LPCAT4: variants seen among roughly 807,000 people sequenced by gnomAD.
The protein encoded by LPCAT4 is lysophosphatidylcholine acyltransferase 4, also known as lysophospholipid acyltransferase LPCAT4.
A neutral mutation model predicts 66.5 loss-of-function variants in LPCAT4; 30 were observed. The observed-to-expected ratio is 0.45, with a 90% CI of 0.34 to 0.61. The LOEUF is 0.61. LPCAT4 is among the 20% of genes least tolerant of loss of function. The pLI, the probability that LPCAT4 is intolerant of heterozygous loss-of-function variation, is 0.01. For synonymous variants in LPCAT4, 253 were observed against 262.1 expected, an observed-to-expected ratio of 0.97 and a Z score of 0.34; for missense variants, 557 against 656.7, an observed-to-expected ratio of 0.85 and a Z score of 1.66.
chr15:34,367,166 G>A lies in LPCAT4; in HGVS notation c.-66C>T, dbSNP rs1891102371. Reference sequence around the variant, plus strand: ...CCGGCCACCACTCTGCAGAGCAGCTGCTGCTGCAGCAGCGGCGGCGGCGGC... The same window carrying A: ...CCGGCCACCACTCTGCAGAGCAGCTACTGCTGCAGCAGCGGCGGCGGCGGC... On this transcript the variant is annotated 5_prime_UTR_variant, in exon 1 of 14. Transcript: ENST00000314891. 20 of 1,322,074 alleles carry A rather than the reference G, an allele frequency of 1.5e-5. 1 individual carries two copies. In the South Asian group the frequency reaches 2.4e-4, roughly 16 times the overall value. 81.9% of individuals were successfully genotyped at this position (1,322,074 alleles called of 1,614,324 possible). A position where few individuals can be genotyped will look rare whatever the true frequency, so the allele number is the denominator to read the frequency against.
chr15:34,361,246 T>A, intron 11 of LPCAT4, 154 bp downstream of exon 11: 2 of 1,497,180 alleles, frequency 1.3e-6, no homozygotes, highest in Non-Finnish European at 1.8e-6. Flanking sequence ...AAAAAATGAA[T>A]CTTCAGTGGA....
intron 2 of LPCAT4, 55 bp downstream of exon 2, chr15:34,365,504 C>A: frequency 6.2e-7 from 1 of 1,607,624 alleles, no homozygotes; most frequent in Non-Finnish European, 8.5e-7. Flanking sequence ...AAGAGGGAGC[C>A]GAATAGACAG....
At chr15:34,361,582 C>T (rs745401512) in intron 10 of LPCAT4, 50 bp from the exon 11 acceptor site, 3 of 1,606,270 alleles carry the variant, frequency 1.9e-6, no homozygotes, top group Non-Finnish European at 2.5e-6. Context: ...TCCTTCTGGA[C>T]ACACCATCAG....
chr15:34,361,202 T>C (rs1357586688), intron 11 of LPCAT4, 198 bp downstream of exon 11: 2 of 1,455,338 alleles, frequency 1.4e-6, no homozygotes, highest in Non-Finnish European at 1.8e-6. Flanking sequence ...CTCATGATGA[T>C]AACATTGCTC....
At chr15:34,364,131 GA>G (rs1407018104) in intron 4 of LPCAT4, 58 bp from the exon 5 acceptor site, 5 of 1,596,322 alleles carry the variant, frequency 3.1e-6, no homozygotes, top group Non-Finnish European at 4.3e-6. Flanking sequence ...GTGGAGAGAG[GA>G]AAGGGAAGCC....
At chr15:34,361,642 C>T (rs1226027432) in intron 10 of LPCAT4, 110 bp from the exon 11 acceptor site, 1 of 1,330,690 alleles carries the variant, frequency 7.5e-7, no homozygotes, top group Non-Finnish European at 1.0e-6. Context: ...GGTTTAGCTG[C>T]TGTTTTTCTA....
intron 13 of LPCAT4, 126 bp downstream of exon 13, chr15:34,359,463 C>T (rs949164563): frequency 7.3e-7 from 1 of 1,372,554 alleles, no homozygotes; most frequent in Non-Finnish European, 9.8e-7. Context: ...TCCTCCCAGC[C>T]TTACTTCTCA....
Position 34,362,200 on chromosome 15 carries a change from C to A in LPCAT4, c.1006G>T (p.Ala336Ser), listed in dbSNP as rs1040884791. 1.1e-5 allele frequency: 18 copies of A among 1,613,884 alleles called. No individual in the cohort carries two copies. The highest frequency in any genetic ancestry group is 1.5e-5 in the Non-Finnish European group (18 of 1,179,970). The change falls in exon 10 of 14, where the codon GCT becomes TCT. Residue 336 changes from alanine (A) to serine (S), a missense_variant. Physicochemically the swap from Ala to Ser is moderately conservative, Grantham distance 99. Transcript: ENST00000314891. ...CTCATTTCCAAGACCACTTACCCAGCCTTCCGAAGCACTTTTCCCAGTTCC... is the reference window on the plus strand; with the variant it reads ...CTCATTTCCAAGACCACTTACCCAGACTTCCGAAGCACTTTTCCCAGTTCC... ...LWELGKVLRK[A>S]GLSAGYVDAG...
Position 34,362,621 on chromosome 15 carries a change from C to T in LPCAT4, c.836G>A (p.Ser279Asn), listed in dbSNP as rs1890974115. 1.3e-6 allele frequency: 2 copies of T among 1,578,544 alleles called. No individual in the cohort carries two copies. Among genetic ancestry groups the T allele is most frequent in the African/African-American group, 1.3e-5 (1 of 74,112 alleles). Residue 279 changes from serine (S) to asparagine (N), a missense_variant, in exon 9 of 14, where the codon AGC (serine) becomes AAC (asparagine). Physicochemically the swap from Ser to Asn is conservative, Grantham distance 46. Transcript: ENST00000314891. ...GTTGGCATAGAGGGTGGGGTCCCTG[C>T]TCTCCTCAGGGCTGGGGTGATACAC... ...LPVYHPSPEE[S>N]RDPTLYANNV... is the part of the protein sequence containing the mutation.
At position 34,362,666 on chromosome 15, in the gene LPCAT4, G is replaced by A; in HGVS notation, c.802-11C>T. 4.4e-6 allele frequency: 7 copies of A among 1,607,474 alleles called. No individual in the cohort carries two copies. The highest frequency in any genetic ancestry group is 6.0e-6 in the Non-Finnish European group (7 of 1,175,596). On this transcript the variant is annotated splice_polypyrimidine_tract_variant and intron_variant, in intron 8 of 13. Coordinates refer to ENST00000314891, the MANE Select transcript of LPCAT4 (RefSeq NM_153613.3). ...ATACACAGGAAGGAACTGAAACACAGACACACACAATTCTTATCAGAACCT... is the reference window on the plus strand; with the variant it reads ...ATACACAGGAAGGAACTGAAACACAAACACACACAATTCTTATCAGAACCT...
rs2270611 is a variant in LPCAT4, at chr15:34,367,056, G to A, written c.45C>T (p.Thr15=). 5.8e-4 allele frequency: 904 copies of A among 1,559,170 alleles called. 13 individuals carry two copies. In the East Asian group the frequency reaches 0.017, roughly 29 times the overall value. Reference sequence around the variant, plus strand: ...GGTTGGGGGATGCTGGGGGTCCGGGGGTGGGATCTAGGGGGGCCCAGTCCC... The same window carrying A: ...GGTTGGGGGATGCTGGGGGTCCGGGAGTGGGATCTAGGGGGGCCCAGTCCC... ...SPGDWAPLDP[T]PGPPASPNPF... is the part of the protein sequence containing the mutation. Residue 15 remains threonine, a synonymous_variant, in exon 1 of 14, where the codon ACC becomes ACT. Transcript: ENST00000314891.
At chr15:34,359,964 G>C in intron 12 of LPCAT4, 147 bp downstream of exon 12, 2 of 814,174 alleles carry the variant, frequency 2.5e-6, no homozygotes, top group Non-Finnish European at 4.0e-6. Flanking sequence ...GAGGCCGGGG[G>C]TCTGCAGTTT....
At position 34,363,405 on chromosome 15, in the gene LPCAT4, G is replaced by A. The variant is rs1035010062; in HGVS notation, c.746+17C>T. On this transcript the variant is annotated intron_variant, in intron 7 of 13. Coordinates refer to ENST00000314891, the MANE Select transcript of LPCAT4 (RefSeq NM_153613.3). The surrounding 1 kb of genome is among the most constrained non-coding windows in gnomAD (Gnocchi z 4.3). ...ACCCTGCTCCCCACCCTCACCCCCA[G>A]GAATACCAGAACTCACACTCCAGGA... 2 of 1,612,824 alleles carry A rather than the reference G, an allele frequency of 1.2e-6. No homozygotes were observed. The highest frequency in any genetic ancestry group is 1.7e-6 in the Non-Finnish European group (2 of 1,179,450).
intron 11 of LPCAT4, 147 bp from the exon 12 acceptor site, chr15:34,360,356 G>C: frequency 1.6e-6 from 1 of 639,900 alleles, no homozygotes; most frequent in South Asian, 1.9e-5. Flanking sequence ...AAACTCTTTA[G>C]GATCCCTGGA....
At chr15:34,360,754 C>T (rs1328586670) in intron 11 of LPCAT4, among the ~76,000 whole-genome samples, 2 of 152,202 alleles carry the variant, frequency 1.3e-5, no homozygotes, top group African/African-American at 4.8e-5. Flanking sequence ...ATCTAGATAC[C>T]TGGTCACTCT....
At chr15:34,362,904 C>T (rs1302819686) in intron 7 of LPCAT4, 68 bp from the exon 8 acceptor site, 1 of 1,506,896 alleles carries the variant, frequency 6.6e-7, no homozygotes, top group Non-Finnish European at 9.1e-7. Flanking sequence ...CTCCCACACC[C>T]CACTCCCCTT....
At chr15:34,366,791 C>T (rs1891088380) in intron 1 of LPCAT4, 196 bp downstream of exon 1, 3 of 672,432 alleles carry the variant, frequency 4.5e-6, no homozygotes, top group South Asian at 3.6e-5. Context: ...TGTCTATCGC[C>T]CAAGCCCGCA....
Position 34,367,066 on chromosome 15 carries a change from AG to A in LPCAT4, c.34del (p.Leu12Ter). ...TGCTGGGGGTCCGGGGGTGGGATCT[AG>A]GGGGGCCCAGTCCCCCGGACTTCCC... is the stretch of plus-strand genomic sequence containing the variant. ...SQGSPGDWAP[L>X]DPTPGPPASP... On this transcript the variant is annotated frameshift_variant, in exon 1 of 14. Transcript: ENST00000314891. LOFTEE classifies it high-confidence loss of function. 1 of 1,346,580 alleles carries A rather than the reference AG, an allele frequency of 7.4e-7. No homozygotes were observed. 83.4% of individuals were successfully genotyped at this position (1,346,580 alleles called of 1,614,324 possible).
rs959633650 is a variant in LPCAT4, at chr15:34,365,226, G to C, written c.260C>G (p.Thr87Ser). The part of the protein sequence containing the change: ...LQEPITGWRK[T>S]VCHNGVLGLS... Reference sequence around the variant, plus strand: ...GCCTAGCACCCCGTTGTGGCACACAGTCCTGCCAGGGCAAGGCTGGGTATC... The same window carrying C: ...GCCTAGCACCCCGTTGTGGCACACACTCCTGCCAGGGCAAGGCTGGGTATC... The change falls in exon 3 of 14, where the codon ACT becomes AGT. Residue 87 changes from threonine to serine, a missense_variant and splice_region_variant. By Grantham distance (58) the Thr-to-Ser change is moderately conservative. Coordinates refer to ENST00000314891, the MANE Select transcript of LPCAT4 (RefSeq NM_153613.3). 1 of 1,602,208 alleles carries C rather than the reference G, an allele frequency of 6.2e-7. No individual in the cohort carries two copies. The highest frequency in any genetic ancestry group is 1.8e-5 in the Admixed American group (1 of 56,690).
Sources: allele counts gnomAD v4.1 joint callset (sites outside exome capture counted in the v4.1 genomes callset), GRCh38; gene constraint gnomAD v4.1.1; non-coding constraint Gnocchi (gnomAD v3.1); transcripts MANE v1.5; gene names NCBI Gene and HGNC (gene_info 2026-07-23, HGNC 2026-07-21).